Variants in VIT observed in about 807,000 individuals in gnomAD.
The protein encoded by VIT is vitrin.
In VIT, 99 loss-of-function variants were observed where a neutral mutation model predicts 78.0. That is an observed-to-expected ratio of 1.27 (90% confidence interval 1.08 to 1.50). The LOEUF (loss-of-function observed/expected upper bound fraction) is 1.50. VIT is among the 40% of genes most tolerant of loss of function. The pLI, the probability that VIT is intolerant of heterozygous loss-of-function variation, is 0.00. For missense variants in VIT, 1,126 were observed against 875.3 expected (o/e 1.29, Z -3.61); for synonymous variants, 374 against 334.3 (o/e 1.12, Z -1.29).
At chr2:36,727,473 T>C (rs900983192) in intron 2 of VIT, among the ~76,000 whole-genome samples, 5 of 152,198 alleles carry the variant, frequency 3.3e-5, no homozygotes, top group Non-Finnish European at 7.4e-5. Context: ...CATTAATTCA[T>C]GGGATGAGAC....
intron 2 of VIT, among the ~76,000 whole-genome samples, chr2:36,726,068 C>CAAAAAAAAA (rs201797565): frequency 9.9e-6 from 1 of 100,880 alleles, no homozygotes. Context: ...GACTCTGTCT[C>CAAAAAAAAA]AAAAAAAAAA....
At chr2:36,788,314 A>G (rs1033630233) in intron 12 of VIT, among the ~76,000 whole-genome samples, 3 of 152,238 alleles carry the variant, frequency 2.0e-5, no homozygotes, top group African/African-American at 7.2e-5. Context: ...TTTTATTTTA[A>G]CAAAGTTTGC....
intron 9 of VIT, among the ~76,000 whole-genome samples, chr2:36,776,838 C>T (rs1467741879): frequency 6.6e-6 from 1 of 151,818 alleles, no homozygotes; most frequent in Admixed American, 6.6e-5. Context: ...CACCTGTATC[C>T]CAGCACTTTG....
In VIT at chr2:36,702,449, C is replaced by T. The variant is rs967211485; in HGVS notation, c.-19+5476C>T. The stretch of plus-strand genomic sequence containing the variant: ...ACCCTGTTCATATTCCACTCCCAAA[C>T]AATCTTAATTCAGTCATTAACATGT... On this transcript the variant is annotated intron_variant, in intron 1 of 15. Transcript: ENST00000379242. 1.6e-4 allele frequency among the ~76,000 whole-genome samples: 24 copies of T among 152,070 alleles called. 1 individual carries two copies. The highest frequency in any genetic ancestry group is 2.4e-5 in the African/African-American group (1 of 41,396).
At chr2:36,761,894 G>A (rs959434895) in intron 6 of VIT, among the ~76,000 whole-genome samples, 2 of 152,134 alleles carry the variant, frequency 1.3e-5, no homozygotes, top group African/African-American at 4.8e-5. Context: ...GTAACCCCGA[G>A]GTAGAGTGCC....
chr2:36,811,133 G>T (rs1205290229), intron 15 of VIT, among the ~76,000 whole-genome samples: 1 of 152,136 alleles, frequency 6.6e-6, no homozygotes, highest in Non-Finnish European at 1.5e-5. Flanking sequence ...CATAATGGTG[G>T]GATGGCTGGT....
intron 12 of VIT, among the ~76,000 whole-genome samples, chr2:36,797,099 A>ATT (rs34401995): frequency 9.5e-4 from 136 of 142,532 alleles, no homozygotes; most frequent in African/African-American, 3.4e-3. Flanking sequence ...GTTTCAACCA[A>ATT]TTTTTTTTTT....
intron 4 of VIT, among the ~76,000 whole-genome samples, chr2:36,750,690 G>A (rs1668405919): frequency 6.6e-6 from 1 of 151,694 alleles, no homozygotes; most frequent in African/African-American, 2.4e-5. Flanking sequence ...GCATGGCGGT[G>A]CACACATGTA....
At chr2:36,747,474 C>T (rs1668206991) in intron 4 of VIT, among the ~76,000 whole-genome samples, 1 of 152,150 alleles carries the variant, frequency 6.6e-6, no homozygotes, top group African/African-American at 2.4e-5. Flanking sequence ...AATCTGGGTC[C>T]TCCAATATTG....
rs1194752850 is a variant in VIT at position 36,728,589 on chromosome 2, G to A, written c.53-837G>A. Among the ~76,000 whole-genome samples the A allele has an allele frequency of 1.3e-4, 4 of 29,790 alleles. 1 individual carries two copies. In the South Asian group the frequency reaches 3.1e-3, roughly 23 times the overall value. 19.5% of individuals were successfully genotyped at this position (29,790 alleles called of 152,430 possible). A position where few individuals can be genotyped will look rare whatever the true frequency, so the allele number is the denominator to read the frequency against. On this transcript the variant is annotated intron_variant, in intron 2 of 15. Coordinates refer to ENST00000379242, the MANE Select transcript of VIT (RefSeq NM_053276.4). ...AGCACTTTGGGAGGCCGAGGCGGGC[G>A]GATCACGAGGTCAGGAGATCGAGAC... is the stretch of plus-strand genomic sequence containing the variant.
chr2:36,735,905 G>A (rs1386566839), intron 3 of VIT, among the ~76,000 whole-genome samples: 1 of 152,170 alleles, frequency 6.6e-6, no homozygotes, highest in African/African-American at 2.4e-5. Flanking sequence ...CCAGAGGTGG[G>A]AAAACATGAG....
intron 5 of VIT, among the ~76,000 whole-genome samples, chr2:36,757,434 C>T (rs571540021): frequency 2.3e-4 from 34 of 149,756 alleles, no homozygotes; most frequent in Non-Finnish European, 5.0e-4. Flanking sequence ...GAACTGAGCT[C>T]ATGCTCCTTT....
At position 36,808,674 on chromosome 2, in the gene VIT, A is replaced by T; in HGVS notation, c.1592A>T (p.Gln531Leu). ...ACGGGCAACTTCCGCACCGTCCTCC[A>T]GTTTGTGACCAACCTCACCAAAGAG... ...VGTGNFRTVL[Q>L]FVTNLTKEFE... is the part of the protein sequence containing the mutation. The change falls in exon 15 of 16, where the codon CAG (glutamine) becomes CTG (leucine). Residue 531 changes from glutamine (Q) to leucine (L), a missense_variant. Gln to Leu is a moderately radical substitution (Grantham distance 113). Transcript: ENST00000379242. 6.2e-7 allele frequency: 1 copy of T among 1,614,246 alleles called. No individual in the cohort carries two copies. The highest frequency in any genetic ancestry group is 2.2e-5 in the East Asian group (1 of 44,886).
At chr2:36,747,232 A>G (rs1668189924) in intron 4 of VIT, among the ~76,000 whole-genome samples, 1 of 152,154 alleles carries the variant, frequency 6.6e-6, no homozygotes, top group Non-Finnish European at 1.5e-5. Flanking sequence ...GTGGTCAATC[A>G]TAGAGTATGT....
intron 2 of VIT, among the ~76,000 whole-genome samples, chr2:36,723,681 A>G (rs1666651875): frequency 6.6e-6 from 1 of 152,194 alleles, no homozygotes; most frequent in South Asian, 2.1e-4. Context: ...AAGTGGGAGA[A>G]ATTTTTTTCT....
intron 1 of VIT, among the ~76,000 whole-genome samples, chr2:36,711,026 T>C (rs1391308174): frequency 6.6e-6 from 1 of 152,246 alleles, no homozygotes; most frequent in Non-Finnish European, 1.5e-5. Flanking sequence ...TTTACCTTCC[T>C]GTTAGCAATT....
chr2:36,734,176 T>C (rs1247960008), intron 3 of VIT, among the ~76,000 whole-genome samples: 1 of 152,160 alleles, frequency 6.6e-6, no homozygotes, highest in East Asian at 1.9e-4. Flanking sequence ...TTGTAAAATG[T>C]GATAACCGGT....
At chr2:36,697,141 A>G (rs1196500277) in intron 1 of VIT, among the ~76,000 whole-genome samples, 168 bp downstream of exon 1, 1 of 152,220 alleles carries the variant, frequency 6.6e-6, no homozygotes, top group Non-Finnish European at 1.5e-5. Context: ...CTTGTAAACA[A>G]CTAGTAATAT....
chr2:36,800,046 CAA>C (rs754185532), intron 12 of VIT, among the ~76,000 whole-genome samples: 6 of 89,352 alleles, frequency 6.7e-5, no homozygotes, highest in Non-Finnish European at 1.1e-4. Context: ...GACTCCGTCT[CAA>C]AAAAAAAAAA....
Sources: gnomAD v4.1 joint callset for allele counts (sites outside exome capture counted in the v4.1 genomes callset) on GRCh38, gnomAD v4.1.1 for gene constraint, MANE v1.5 for transcripts, NCBI Gene and HGNC (gene_info 2026-07-23, HGNC 2026-07-21) for gene names.